ABCG1: variants seen among roughly 807,000 people sequenced by gnomAD.
The protein encoded by ABCG1 is ATP binding cassette subfamily G member 1.
In ABCG1, 29 loss-of-function variants were observed where a neutral mutation model predicts 69.2. The observed-to-expected ratio is 0.42, with a 90% CI of 0.31 to 0.57. The LOEUF is 0.57. ABCG1 is among the 20% of genes least tolerant of loss of function. ABCG1 has a pLI of 0.15. For synonymous variants in ABCG1, 370 were observed against 374.8 expected (o/e 0.99, Z 0.15); for missense variants, 718 against 898.1 (o/e 0.80, Z 2.56).
chr21:42,203,342 T>G (rs2067521059), intron 2 of ABCG1, among the ~76,000 whole-genome samples: 1 of 152,240 alleles, frequency 6.6e-6, no homozygotes, highest in Non-Finnish European at 1.5e-5. Context: ...ATTTTTCATT[T>G]TATGGGTCAT....
chr21:42,245,964 T>C (rs1181850306), intron 2 of ABCG1, among the ~76,000 whole-genome samples: 2 of 151,978 alleles, frequency 1.3e-5, no homozygotes, highest in South Asian at 2.1e-4. Flanking sequence ...TTCCTCGGAA[T>C]GGCCTGGAAT....
chr21:42,262,858 G>A (rs762679039), intron 2 of ABCG1, among the ~76,000 whole-genome samples: 1 of 152,252 alleles, frequency 6.6e-6, no homozygotes, highest in Non-Finnish European at 1.5e-5. Flanking sequence ...GGCCTAAGCG[G>A]AGTGACAGGA....
intron 2 of ABCG1, among the ~76,000 whole-genome samples, chr21:42,251,106 C>A (rs776918010): frequency 2.0e-5 from 3 of 152,186 alleles, no homozygotes; most frequent in African/African-American, 7.2e-5. Flanking sequence ...GGCCCACGGT[C>A]GGTCGGTGAC....
At chr21:42,229,229 T>C (rs2067865270) in intron 2 of ABCG1, among the ~76,000 whole-genome samples, 2 of 152,376 alleles carry the variant, frequency 1.3e-5, no homozygotes, top group African/African-American at 4.8e-5. Context: ...CGACTCCAAG[T>C]GTGACGTTGG....
At chr21:42,211,385 G>T (rs1041207658), upstream of ABCG1, among the ~76,000 whole-genome samples, 2 of 151,992 alleles carry the variant, frequency 1.3e-5, no homozygotes, top group Non-Finnish European at 2.9e-5. Context: ...CCAGGCTTCT[G>T]CTTGAAGGGC....
At position 42,219,222 on chromosome 21, in the gene ABCG1, CCCGCCGCCGCCGCCG is replaced by C. The variant is rs2234716; in HGVS notation, c.-23_-9del. 2.3e-5 allele frequency: 34 copies of C among 1,474,162 alleles called. No individual in the cohort carries two copies. The highest frequency in any genetic ancestry group is 1.5e-4 in the South Asian group (12 of 79,780). The allele number at this position is 1,474,162 out of a possible 1,614,324, so 91.3% of individuals were successfully genotyped here. On this transcript the variant is annotated 5_prime_UTR_variant, in exon 1 of 15. Transcript: ENST00000398449. The surrounding 1 kb of genome is among the most constrained non-coding windows in gnomAD (Gnocchi z 5.3). Reference sequence around the variant, plus strand: ...TCGGCCCCGCAGCTCAAGCCTCGTCCCCGCCGCCGCCGCCGCCGCCGCCGCCGCCGCCCCCGGGGC... The same window carrying C: ...TCGGCCCCGCAGCTCAAGCCTCGTCCCCGCCGCCGCCGCCGCCCCCGGGGC...
chr21:42,294,138 G>A (rs2069156256), intron 13 of ABCG1, among the ~76,000 whole-genome samples: 1 of 152,202 alleles, frequency 6.6e-6, no homozygotes, highest in African/African-American at 2.4e-5. Context: ...TGTGAAGGCT[G>A]CAGTCCTTCC....
chr21:42,259,534 G>A (rs9974417), intron 2 of ABCG1: 28,448 of 1,532,592 alleles, frequency 0.019, 344 homozygotes, highest in Middle Eastern at 0.028. Flanking sequence ...GCTGGCTGGA[G>A]TCATCATGTG....
At chr21:42,205,952 C>T (rs2123464843) in intron 2 of ABCG1, among the ~76,000 whole-genome samples, 1 of 151,998 alleles carries the variant, frequency 6.6e-6, no homozygotes, top group East Asian at 1.9e-4. Context: ...CTTCAGACTC[C>T]CTCTTTGCCT....
At chr21:42,263,942 C>T (rs752263179) in intron 2 of ABCG1, among the ~76,000 whole-genome samples, 3 of 152,224 alleles carry the variant, frequency 2.0e-5, no homozygotes, top group South Asian at 2.1e-4. Flanking sequence ...GTGAGTGCCA[C>T]GAACATTTCC....
chr21:42,209,849 T>C (rs1164989961), intron 2 of ABCG1, among the ~76,000 whole-genome samples: 3 of 152,200 alleles, frequency 2.0e-5, no homozygotes, highest in Non-Finnish European at 4.4e-5. Flanking sequence ...GCCCGCTTAA[T>C]AGCTGAGGTC....
At chr21:42,259,546 G>T in intron 2 of ABCG1, 1 of 1,523,130 alleles carries the variant, frequency 6.6e-7, no homozygotes, top group Middle Eastern at 2.3e-4. Flanking sequence ...CATCATGTGG[G>T]CCCTCAGGCT....
chr21:42,248,284 G>A (rs999496994), intron 2 of ABCG1, among the ~76,000 whole-genome samples: 1 of 152,228 alleles, frequency 6.6e-6, no homozygotes, highest in Non-Finnish European at 1.5e-5. Context: ...TTAGAGGATT[G>A]GTGTGAGAGT....
At chr21:42,232,003 C>T (rs572596465) in intron 2 of ABCG1, among the ~76,000 whole-genome samples, 4 of 152,130 alleles carry the variant, frequency 2.6e-5, no homozygotes, top group Non-Finnish European at 1.5e-5. Context: ...ACTGGAGAAC[C>T]CTTCTCTTCC....
chr21:42,224,782 G>A (rs531834351), intron 1 of ABCG1, among the ~76,000 whole-genome samples: 3 of 152,282 alleles, frequency 2.0e-5, no homozygotes, highest in South Asian at 4.1e-4. Flanking sequence ...ATTTGCTCAC[G>A]GTTGCCAGGC....
Position 42,285,876 on chromosome 21 carries a change from C to T in ABCG1, c.859-4C>T. ...GATCCCTTTTTCTCCTTCCTTTTTT[C>T]CAGCTTTACGTCCTGAGTCAAGGAC... On this transcript the variant is annotated splice_region_variant and splice_polypyrimidine_tract_variant and intron_variant, in intron 7 of 14. Coordinates refer to ENST00000398449, the MANE Select transcript of ABCG1 (RefSeq NM_016818.3). 1 of 1,607,672 alleles carries T rather than the reference C, an allele frequency of 6.2e-7. No individual in the cohort carries two copies. Among genetic ancestry groups the T allele is most frequent in the Non-Finnish European group, 8.5e-7 (1 of 1,175,366 alleles).
chr21:42,263,811 CT>C (rs1181343479), intron 2 of ABCG1, among the ~76,000 whole-genome samples: 1 of 152,188 alleles, frequency 6.6e-6, no homozygotes, highest in East Asian at 1.9e-4. Context: ...CCTGATGGCT[CT>C]GGTCCCAAAG....
At chr21:42,256,001 C>A in intron 2 of ABCG1, 1 of 426,826 alleles carries the variant, frequency 2.3e-6, no homozygotes, top group Non-Finnish European at 3.8e-6. Flanking sequence ...CAGCTGGAGC[C>A]AGGGAGCCCC....
In ABCG1 at chr21:42,262,600, A is replaced by G. The variant is rs115300359; in HGVS notation, c.287-8470A>G. Among the ~76,000 whole-genome samples the G allele has an allele frequency of 9.4e-3, 1,433 of 152,302 alleles. 19 individuals carry two copies. The highest frequency in any genetic ancestry group is 0.033 in the African/African-American group (1,373 of 41,558). On this transcript the variant is annotated intron_variant, in intron 2 of 14. Coordinates refer to ENST00000398449, the MANE Select transcript of ABCG1 (RefSeq NM_016818.3). ...TGGATTGAGCTGACTGTATTGATTCAATGGGAATATGCCCACTCGGAGGAG... is the reference window on the plus strand; with the variant it reads ...TGGATTGAGCTGACTGTATTGATTCGATGGGAATATGCCCACTCGGAGGAG...
Sources: allele counts gnomAD v4.1 joint callset (sites outside exome capture counted in the v4.1 genomes callset), GRCh38; gene constraint gnomAD v4.1.1; non-coding constraint Gnocchi (gnomAD v3.1); transcripts MANE v1.5; gene names NCBI Gene and HGNC (gene_info 2026-07-23, HGNC 2026-07-21).